TPRG1: variants seen among roughly 807,000 people sequenced by gnomAD.
The protein encoded by TPRG1 is tumor protein p63-regulated gene 1 protein.
A neutral mutation model predicts 29.3 loss-of-function variants in TPRG1; 29 were observed. The ratio of observed to expected loss-of-function variants is 0.99; its 90% CI spans 0.74 to 1.35. The LOEUF is 1.35. Among genes scored for constraint, TPRG1 ranks in the 40% most tolerant of loss-of-function variants. TPRG1 has a pLI of 0.00. For missense variants in TPRG1, 327 were observed against 335.0 expected (o/e 0.98, Z 0.19); for synonymous variants, 130 against 116.8 (o/e 1.11, Z -0.73).
intron 4 of TPRG1, among the ~76,000 whole-genome samples, chr3:189,255,933 C>A (rs991562657): frequency 6.6e-6 from 1 of 151,930 alleles, no homozygotes; most frequent in Non-Finnish European, 1.5e-5. Context: ...AGTGGTCTAT[C>A]TATTATGTTA....
intron 4 of TPRG1, among the ~76,000 whole-genome samples, chr3:189,269,148 A>AG (rs1048951005): frequency 1.3e-5 from 2 of 151,920 alleles, no homozygotes; most frequent in Non-Finnish European, 2.9e-5. Context: ...TAAAGCACAC[A>AG]GAAAAAAAAG....
intron 4 of TPRG1, among the ~76,000 whole-genome samples, chr3:189,240,800 G>A (rs531443628): frequency 2.2e-4 from 34 of 151,802 alleles, no homozygotes; most frequent in African/African-American, 5.6e-4. Context: ...GCCTATACAC[G>A]TTTAAAAGTA....
chr3:189,019,976 G>A (rs1178261172), intron 3 of TPRG1, among the ~76,000 whole-genome samples: 65 of 151,086 alleles, frequency 4.3e-4, no homozygotes, highest in Non-Finnish European at 7.1e-4. Flanking sequence ...TGTATGTGTC[G>A]AGGAATTTAT....
chr3:189,252,537 T>C (rs1257035827), intron 4 of TPRG1, among the ~76,000 whole-genome samples: 1 of 152,206 alleles, frequency 6.6e-6, no homozygotes, highest in Admixed American at 6.5e-5. Flanking sequence ...AATCCTATTG[T>C]GTTTATAACC....
chr3:189,036,516 G>A lies in TPRG1; in HGVS notation c.-463+12570G>A, dbSNP rs560235102. 8.5e-5 allele frequency among the ~76,000 whole-genome samples: 13 copies of A among 152,148 alleles called. No individual in the cohort carries two copies. The East Asian group carries it at 2.5e-3, about 29-fold the overall frequency. On this transcript the variant is annotated intron_variant, in intron 4 of 10. Transcript: ENST00000433971. ...GAGATAAGTTATAGGAGATAAGGAA[G>A]CTATAATTGTTTGCATATGTAAAAA... is the stretch of plus-strand genomic sequence containing the variant.
intron 3 of TPRG1, among the ~76,000 whole-genome samples, chr3:189,139,990 G>T (rs775975919): frequency 2.0e-5 from 3 of 152,162 alleles, no homozygotes; most frequent in Non-Finnish European, 4.4e-5. Context: ...ATCTTGACAA[G>T]AGCTGTCCAA....
chr3:189,272,682 C>CCTTTCTTTCTTTCTTTCTTT (rs58830987), intron 4 of TPRG1, among the ~76,000 whole-genome samples: 3 of 140,118 alleles, frequency 2.1e-5, no homozygotes, highest in African/African-American at 9.0e-5. Flanking sequence ...TCCTTTCTTT[C>CCTTTCTTTCTTTCTTTCTTT]CTTTCTTTCT....
chr3:189,041,693 G>A (rs544469226), intron 4 of TPRG1, among the ~76,000 whole-genome samples: 2 of 152,236 alleles, frequency 1.3e-5, no homozygotes, highest in African/African-American at 4.8e-5. Flanking sequence ...GCCCTCTGGT[G>A]GCAGGAGAGA....
chr3:189,056,479 T>C (rs1715706408), intron 4 of TPRG1, among the ~76,000 whole-genome samples: 1 of 152,132 alleles, frequency 6.6e-6, no homozygotes, highest in South Asian at 2.1e-4. Flanking sequence ...ACCCAATAAA[T>C]AGGCCTCAAT....
intron 3 of TPRG1, among the ~76,000 whole-genome samples, chr3:189,015,959 C>G (rs1238109467): frequency 1.3e-5 from 2 of 152,134 alleles, no homozygotes; most frequent in Non-Finnish European, 2.9e-5. Flanking sequence ...CACAGAGTCT[C>G]CACTAAGACA....
intron 5 of TPRG1, among the ~76,000 whole-genome samples, chr3:189,312,025 C>T (rs927872140): frequency 1.3e-5 from 2 of 152,044 alleles, no homozygotes; most frequent in Non-Finnish European, 2.9e-5. Flanking sequence ...ATGCATTGTT[C>T]CATAATCTTC....
intron 5 of TPRG1, among the ~76,000 whole-genome samples, chr3:189,320,278 T>G (rs1311224779): frequency 1.3e-5 from 2 of 152,088 alleles, no homozygotes; most frequent in Admixed American, 6.6e-5. Flanking sequence ...TTTACAGTAC[T>G]AATACCGATG....
chr3:189,232,295 G>A (rs1199839864), intron 3 of TPRG1, among the ~76,000 whole-genome samples: 1 of 152,168 alleles, frequency 6.6e-6, no homozygotes, highest in Non-Finnish European at 1.5e-5. Context: ...ATACTCCTGA[G>A]TCCTTTCCTT....
chr3:189,127,644 G>A (rs963235601), intron 2 of TPRG1, among the ~76,000 whole-genome samples: 2 of 152,106 alleles, frequency 1.3e-5, no homozygotes, highest in South Asian at 4.2e-4. Context: ...CCCAGGTAAA[G>A]GTCTTAAGGT....
intron 1 of TPRG1, among the ~76,000 whole-genome samples, chr3:189,188,229 G>T (rs911053824): frequency 6.6e-6 from 1 of 152,020 alleles, no homozygotes; most frequent in Non-Finnish European, 1.5e-5. Context: ...GTTAACAGAC[G>T]TGAGTACCTT....
At chr3:189,022,786 C>G (rs1195979118) in intron 3 of TPRG1, among the ~76,000 whole-genome samples, 1 of 152,236 alleles carries the variant, frequency 6.6e-6, no homozygotes, top group African/African-American at 2.4e-5. Context: ...GCTTTGTTTA[C>G]CTAATCAAGC....
At chr3:189,027,722 CAT>C (rs1329720675) in intron 4 of TPRG1, among the ~76,000 whole-genome samples, 7 of 151,988 alleles carry the variant, frequency 4.6e-5, no homozygotes, top group African/African-American at 7.2e-5. Context: ...ATCCCCAAAT[CAT>C]ATGTTTTGTA....
At chr3:189,126,427 C>G (rs1470858873) in intron 1 of TPRG1, among the ~76,000 whole-genome samples, 1 of 152,188 alleles carries the variant, frequency 6.6e-6, no homozygotes, top group Non-Finnish European at 1.5e-5. Flanking sequence ...AGCTCGATGT[C>G]ACTAAGACTG....
At chr3:189,208,610 T>C (rs1488005129) in intron 2 of TPRG1, among the ~76,000 whole-genome samples, 3 of 152,156 alleles carry the variant, frequency 2.0e-5, no homozygotes, top group Admixed American at 6.5e-5. Context: ...GTTTAAACAC[T>C]GCATATACTC....
Sources: gnomAD v4.1 joint callset for allele counts (sites outside exome capture counted in the v4.1 genomes callset) on GRCh38, gnomAD v4.1.1 for gene constraint, MANE v1.5 for transcripts, NCBI Gene and HGNC (gene_info 2026-07-23, HGNC 2026-07-21) for gene names.